The following MYCBP2 variants were observed in gnomAD, a reference collection of about 807,000 sequenced individuals.
MYCBP2 encodes MYC binding protein 2, also known as E3 ubiquitin-protein ligase MYCBP2.
In MYCBP2, 120 loss-of-function variants were observed where a neutral mutation model predicts 525.3. The observed-to-expected ratio is 0.23, with a 90% CI of 0.20 to 0.27. The LOEUF is 0.27. Among genes scored for constraint, MYCBP2 ranks in the 10% least tolerant of loss-of-function variants. The probability of loss-of-function intolerance (pLI) is 1.00; values close to 1 mark genes in which losing one functional copy is unlikely to be tolerated. For synonymous variants in MYCBP2, 1,894 were observed against 1,955.8 expected (o/e 0.97, Z 0.83); for missense variants, 4,149 against 5,657.1 (o/e 0.73, Z 8.55).
intron 23 of MYCBP2, among the ~76,000 whole-genome samples, chr13:77,208,881 T>C (rs180886215): frequency 1.5e-3 from 232 of 152,338 alleles, no homozygotes; most frequent in African/African-American, 5.3e-3. Context: ...CTGCTCTTTA[T>C]AGATGTTGTT....
At chr13:77,166,283 A>G in intron 41 of MYCBP2, 46 bp downstream of exon 41, 1 of 1,329,812 alleles carries the variant, frequency 7.5e-7, no homozygotes, top group Non-Finnish European at 1.0e-6. Context: ...AATATACATA[A>G]ATGCACTTAT....
At chr13:77,301,387 C>A (rs1594777991) in intron 1 of MYCBP2, among the ~76,000 whole-genome samples, 1 of 134,418 alleles carries the variant, frequency 7.4e-6, no homozygotes, top group South Asian at 2.5e-4. Context: ...CGCGCCACTG[C>A]ACTCCAGCCT....
intron 15 of MYCBP2, among the ~76,000 whole-genome samples, chr13:77,250,238 A>G (rs2070952517): frequency 6.6e-6 from 1 of 151,970 alleles, no homozygotes; most frequent in Non-Finnish European, 1.5e-5. Flanking sequence ...AAAAAAAAAA[A>G]TCATATCTCA....
At chr13:77,166,976 T>C (rs199676134) in intron 40 of MYCBP2, among the ~76,000 whole-genome samples, 228 of 127,068 alleles carry the variant, frequency 1.8e-3, no homozygotes, top group African/African-American at 4.6e-3. Flanking sequence ...AACACACACA[T>C]ACACACACAC....
chr13:77,186,054 C>A lies in MYCBP2; in HGVS notation c.4261G>T (p.Glu1421Ter). 2 of 1,572,526 alleles carry A rather than the reference C, an allele frequency of 1.3e-6. No homozygotes were observed. The highest frequency in any genetic ancestry group is 1.2e-5 in the South Asian group (1 of 83,704). Reference sequence around the variant, plus strand: ...CAGTGAAGAATACTCAACAATGACTCAAAACATTCCTAATCCAGAATATGA... The same window carrying A: ...CAGTGAAGAATACTCAACAATGACTAAAAACATTCCTAATCCAGAATATGA... ...FARTVSVECF[E>*]SLLSILHWSW... Residue 1421 changes from glutamate (E) to a stop codon, truncating the protein, a stop_gained, in exon 31 of 83, where the codon GAG (glutamate) becomes TAG (stop). Coordinates refer to ENST00000544440, the MANE Select transcript of MYCBP2 (RefSeq NM_015057.5). LOFTEE classifies it high-confidence loss of function.
chr13:77,186,574 T>C (rs1161574694), intron 30 of MYCBP2, among the ~76,000 whole-genome samples: 2 of 152,154 alleles, frequency 1.3e-5, no homozygotes, highest in African/African-American at 4.8e-5. Flanking sequence ...TTTTGATAAA[T>C]ACATTAATAG....
chr13:77,269,922 G>T, intron 7 of MYCBP2, 70 bp downstream of exon 7: 2 of 1,161,176 alleles, frequency 1.7e-6, no homozygotes, highest in South Asian at 1.3e-5. Flanking sequence ...TGATATTACT[G>T]ATTAAACAAG....
At position 77,304,191 on chromosome 13, in the gene MYCBP2, C is replaced by T. The variant is rs368148302; in HGVS notation, c.303-7517G>A. Among the ~76,000 whole-genome samples, 4 of 152,270 alleles carry T rather than the reference C, an allele frequency of 2.6e-5. No individual in the cohort carries two copies. In the East Asian group the frequency reaches 5.8e-4, roughly 22 times the overall value. On this transcript the variant is annotated intron_variant, in intron 1 of 82. Coordinates refer to ENST00000544440, the MANE Select transcript of MYCBP2 (RefSeq NM_015057.5). ...TTCAGAACTCCCATGTTCACTGCTA[C>T]ACTATTCACAATAGCCAAGATGTGG...
At chr13:77,116,398 A>T (rs2049772959) in intron 55 of MYCBP2, among the ~76,000 whole-genome samples, 1 of 151,952 alleles carries the variant, frequency 6.6e-6, no homozygotes, top group African/African-American at 2.4e-5. Flanking sequence ...GGGAGTCTTA[A>T]ATGTTGGCAC....
Position 77,278,868 on chromosome 13 carries a change from T to C in MYCBP2, c.638A>G (p.Glu213Gly). ...GLCEVFELIK[E>G]TRFSHPSLCL... ...CAGGGATGGATGAGAAAATCGTGTC[T>C]CTTTGATCAATTCAAAAACTTCACA... The change falls in exon 4 of 83, where the codon GAG (glutamate) becomes GGG (glycine). Residue 213 changes from glutamate (E) to glycine (G), a missense_variant. Glu to Gly is a moderately conservative substitution (Grantham distance 98). This residue lies in a region of MYCBP2 where 413 missense variants were observed against 451.2 expected (regional missense o/e 0.92). Coordinates refer to ENST00000544440, the MANE Select transcript of MYCBP2 (RefSeq NM_015057.5). 6.3e-7 allele frequency: 1 copy of C among 1,595,780 alleles called. No individual in the cohort carries two copies. The highest frequency in any genetic ancestry group is 8.5e-7 in the Non-Finnish European group (1 of 1,171,626).
intron 55 of MYCBP2, among the ~76,000 whole-genome samples, chr13:77,112,322 ATGTTT>A (rs1489358573): frequency 6.8e-6 from 1 of 146,078 alleles, no homozygotes; most frequent in Non-Finnish European, 1.5e-5. Flanking sequence ...TTTATATATA[ATGTTT>A]TATTTATATA....
chr13:77,181,970 G>A (rs1397887238), intron 32 of MYCBP2, 48 bp from the exon 33 acceptor site: 2 of 1,430,130 alleles, frequency 1.4e-6, no homozygotes, highest in African/African-American at 1.4e-5. Flanking sequence ...TATAGCATCA[G>A]TATAATCTAA....
intron 20 of MYCBP2, among the ~76,000 whole-genome samples, chr13:77,223,351 C>T (rs764879920): frequency 6.6e-6 from 1 of 152,118 alleles, no homozygotes; most frequent in Non-Finnish European, 1.5e-5. Context: ...GACTCCTACC[C>T]GATTCTTCCT....
chr13:77,167,024 CA>C (rs1247671506), intron 40 of MYCBP2, among the ~76,000 whole-genome samples: 1,835 of 91,490 alleles, frequency 0.02, 30 homozygotes, highest in African/African-American at 0.063. Flanking sequence ...CACACACACA[CA>C]CCAAATGAAA....
Position 77,058,539 on chromosome 13 carries a change from TAA to T in MYCBP2, c.13141-135_13141-134del, listed in dbSNP as rs773817791. 17 of 641,990 alleles carry T rather than the reference TAA, an allele frequency of 2.6e-5. No homozygotes were observed. The highest frequency in any genetic ancestry group is 3.8e-5 in the Non-Finnish European group (16 of 423,922). 39.8% of individuals were successfully genotyped at this position (641,990 alleles called of 1,614,324 possible). ...CTATGCAGGCCAAGTAACAACAAAG[TAA>T]AGTTATTTCTAATCTTTGTTTGAAT... On this transcript the variant is annotated intron_variant, in intron 77 of 82. Transcript: ENST00000544440. The surrounding 1 kb of genome is among the most constrained non-coding windows in gnomAD (Gnocchi z 4.1).
At chr13:77,077,118 T>C in intron 67 of MYCBP2, 30 bp downstream of exon 67, 1 of 1,598,844 alleles carries the variant, frequency 6.3e-7, no homozygotes. Context: ...TCAATTATCC[T>C]GTGCTAGAAT....
chr13:77,160,269 G>C (rs200747205), intron 44 of MYCBP2, among the ~76,000 whole-genome samples: 1 of 152,060 alleles, frequency 6.6e-6, no homozygotes. Flanking sequence ...AACTGCCAGC[G>C]AACAAATCCC....
chr13:77,313,582 A>C (rs2080537834), intron 1 of MYCBP2, among the ~76,000 whole-genome samples: 1 of 152,120 alleles, frequency 6.6e-6, no homozygotes, highest in South Asian at 2.1e-4. Flanking sequence ...TACAACACCA[A>C]GGTACAATCC....
chr13:77,150,114 C>T (rs566533898), intron 47 of MYCBP2, among the ~76,000 whole-genome samples: 1 of 152,212 alleles, frequency 6.6e-6, no homozygotes, highest in Admixed American at 6.5e-5. Flanking sequence ...ATAACTAAAA[C>T]ATCCAAAATA....
Sources: allele counts gnomAD v4.1 joint callset (sites outside exome capture counted in the v4.1 genomes callset), GRCh38; gene constraint gnomAD v4.1.1; regional missense constraint gnomAD v4.1.1; non-coding constraint Gnocchi (gnomAD v3.1); transcripts MANE v1.5; gene names NCBI Gene and HGNC (gene_info 2026-07-23, HGNC 2026-07-21).